DNAJC1: variants seen among roughly 807,000 people sequenced by gnomAD.
DNAJC1 encodes dnaJ homolog subfamily C member 1.
DNAJC1 carries 58 observed loss-of-function variants against 76.6 expected under a neutral mutation model. That is an observed-to-expected ratio of 0.76 (90% CI 0.61 to 0.94). The LOEUF is 0.94. Ranked by LOEUF, DNAJC1 falls within the 40% of genes least tolerant of loss-of-function variation. DNAJC1 has a pLI of 0.00. For missense variants in DNAJC1, 689 were observed against 677.3 expected, an observed-to-expected ratio of 1.02 and a Z score of -0.19; for synonymous variants, 258 against 267.9, an observed-to-expected ratio of 0.96 and a Z score of 0.36.
intron 8 of DNAJC1, among the ~76,000 whole-genome samples, chr10:21,812,772 T>C (rs1029451182): frequency 2.0e-5 from 3 of 152,182 alleles, no homozygotes; most frequent in Non-Finnish European, 2.9e-5. Flanking sequence ...TTTAGGTTTA[T>C]AGAAAGTTTT....
intron 8 of DNAJC1, among the ~76,000 whole-genome samples, chr10:21,878,712 C>T (rs1453620786): frequency 6.6e-6 from 1 of 151,866 alleles, no homozygotes; most frequent in African/African-American, 2.4e-5. Context: ...GGAAAAAATC[C>T]ACATATAAGT....
intron 5 of DNAJC1, among the ~76,000 whole-genome samples, 187 bp from the exon 6 acceptor site, chr10:21,919,059 C>G (rs1318953070): frequency 6.6e-6 from 1 of 151,962 alleles, no homozygotes; most frequent in Non-Finnish European, 1.5e-5. Flanking sequence ...ACAGTAGTCA[C>G]AACAAATGCA....
chr10:21,802,592 A>G (rs1429421431), intron 9 of DNAJC1, among the ~76,000 whole-genome samples: 6 of 152,196 alleles, frequency 3.9e-5, no homozygotes, highest in African/African-American at 1.4e-4. Flanking sequence ...CTAATTATAA[A>G]AGCCTGTTTA....
At chr10:21,897,271 G>A (rs1464032676) in intron 7 of DNAJC1, among the ~76,000 whole-genome samples, 1 of 152,078 alleles carries the variant, frequency 6.6e-6, no homozygotes, top group African/African-American at 2.4e-5. Context: ...CTCCAAGTAT[G>A]CATAGCTGGT....
chr10:21,758,874 C>T (rs568913251), intron 11 of DNAJC1, among the ~76,000 whole-genome samples: 40 of 152,258 alleles, frequency 2.6e-4, no homozygotes, highest in African/African-American at 8.2e-4. Flanking sequence ...AAAACCTAGC[C>T]GGAGTGGGCG....
At chr10:21,977,216 C>CA (rs1189037413) in intron 1 of DNAJC1, among the ~76,000 whole-genome samples, 1 of 151,776 alleles carries the variant, frequency 6.6e-6, no homozygotes, top group African/African-American at 2.4e-5. Flanking sequence ...CTTATCTTAG[C>CA]AATTTTTTAA....
At chr10:21,969,861 G>A (rs1297133292) in intron 1 of DNAJC1, among the ~76,000 whole-genome samples, 1 of 152,030 alleles carries the variant, frequency 6.6e-6, no homozygotes, top group African/African-American at 2.4e-5. Context: ...CTGACCATGA[G>A]TTTATGCATT....
intron 1 of DNAJC1, among the ~76,000 whole-genome samples, chr10:21,994,915 TATTA>T (rs925799189): frequency 5.1e-4 from 76 of 148,276 alleles, no homozygotes; most frequent in African/African-American, 1.8e-3. Flanking sequence ...TATATATTTA[TATTA>T]TATATACTTA....
chr10:21,859,802 G>C (rs1026358878), intron 8 of DNAJC1, among the ~76,000 whole-genome samples: 6 of 147,668 alleles, frequency 4.1e-5, no homozygotes, highest in African/African-American at 7.5e-5. Flanking sequence ...TTTTTTTTTT[G>C]AGACGGAGTC....
chr10:21,956,795 A>T (rs943371830), intron 1 of DNAJC1, among the ~76,000 whole-genome samples: 36 of 145,426 alleles, frequency 2.5e-4, no homozygotes, highest in African/African-American at 9.0e-4. Context: ...AGATGCAGTT[A>T]AAAGCCTCCA....
chr10:21,947,253 A>G (rs1452273222), intron 1 of DNAJC1, among the ~76,000 whole-genome samples: 1 of 152,216 alleles, frequency 6.6e-6, no homozygotes, highest in Non-Finnish European at 1.5e-5. Context: ...AATCTATATC[A>G]GAATACACAT....
intron 8 of DNAJC1, among the ~76,000 whole-genome samples, chr10:21,838,287 C>A (rs1041391815): frequency 1.3e-5 from 2 of 152,204 alleles, no homozygotes; most frequent in African/African-American, 4.8e-5. Flanking sequence ...AAGAAAAATT[C>A]TTCTGCCTTG....
At chr10:21,854,379 C>T (rs1835800610) in intron 8 of DNAJC1, among the ~76,000 whole-genome samples, 2 of 150,506 alleles carry the variant, frequency 1.3e-5, no homozygotes, top group South Asian at 2.1e-4. Context: ...AACTGTTTCT[C>T]CATAGGTATA....
intron 8 of DNAJC1, among the ~76,000 whole-genome samples, chr10:21,807,699 T>C (rs1296044186): frequency 6.6e-6 from 1 of 152,102 alleles, no homozygotes; most frequent in East Asian, 1.9e-4. Context: ...CTATTTTGTA[T>C]CCACTAAGAG....
intron 8 of DNAJC1, among the ~76,000 whole-genome samples, chr10:21,838,100 G>A (rs1456927802): frequency 2.6e-5 from 4 of 151,456 alleles, no homozygotes; most frequent in South Asian, 2.1e-4. Flanking sequence ...CCCTCTGCCC[G>A]GCCGCCACCC....
chr10:21,897,535 C>A (rs1412287019), intron 7 of DNAJC1, among the ~76,000 whole-genome samples: 2 of 152,176 alleles, frequency 1.3e-5, no homozygotes, highest in African/African-American at 4.8e-5. Context: ...GGCAGGAGGA[C>A]AAGCATTACT....
At chr10:21,926,404 T>A (rs1259282564) in intron 3 of DNAJC1, among the ~76,000 whole-genome samples, 1 of 152,150 alleles carries the variant, frequency 6.6e-6, no homozygotes, top group Non-Finnish European at 1.5e-5. Context: ...ATAGGAAACA[T>A]GTCTATGACA....
chr10:21,970,986 C>T (rs927773162), intron 1 of DNAJC1, among the ~76,000 whole-genome samples: 2 of 151,876 alleles, frequency 1.3e-5, no homozygotes, highest in Non-Finnish European at 2.9e-5. Context: ...TATGTATACA[C>T]TATGAAATAG....
chr10:21,943,562 A>G (rs1236387751), intron 1 of DNAJC1, among the ~76,000 whole-genome samples: 2 of 152,202 alleles, frequency 1.3e-5, no homozygotes, highest in African/African-American at 4.8e-5. Context: ...ACAATCTGTC[A>G]TTCACCTAAT....
Sources: allele counts gnomAD v4.1 joint callset (sites outside exome capture counted in the v4.1 genomes callset), GRCh38; gene constraint gnomAD v4.1.1; transcripts MANE v1.5; gene names NCBI Gene and HGNC (gene_info 2026-07-23, HGNC 2026-07-21).